Variants in ACSM3 observed in about 807,000 individuals in gnomAD.
ACSM3 encodes acyl-CoA synthetase medium chain family member 3.
Under a neutral mutation model 74.1 loss-of-function variants are expected in ACSM3, and 61 were observed. The observed-to-expected ratio is 0.82, with a 90% CI of 0.67 to 1.02. The LOEUF (loss-of-function observed/expected upper bound fraction) is 1.02. Ranked by LOEUF, ACSM3 falls within the 50% of genes least tolerant of loss-of-function variation. The pLI, the probability that ACSM3 is intolerant of heterozygous loss-of-function variation, is 0.00. For synonymous variants in ACSM3, 213 were observed against 241.5 expected, an observed-to-expected ratio of 0.88 and a Z score of 1.09; for missense variants, 660 against 697.0, an observed-to-expected ratio of 0.95 and a Z score of 0.60.
chr16:20,690,936 G>A (rs1010099582), intron 1 of ACSM3: 118 of 1,527,456 alleles, frequency 7.7e-5, no homozygotes, highest in Non-Finnish European at 1.0e-4. Flanking sequence ...CCTAGTAGGA[G>A]CAAGATAAGG....
intron 1 of ACSM3, among the ~76,000 whole-genome samples, chr16:20,689,057 A>C (rs1344392468): frequency 6.7e-6 from 1 of 150,090 alleles, no homozygotes; most frequent in Non-Finnish European, 1.5e-5. Context: ...AATGTTAATT[A>C]AGCAATATAC....
At chr16:20,684,329 A>G (rs1279443182) in intron 1 of ACSM3, among the ~76,000 whole-genome samples, 4 of 152,250 alleles carry the variant, frequency 2.6e-5, no homozygotes, top group Non-Finnish European at 4.4e-5. Context: ...TAAGGATCAC[A>G]CAATGAATTA....
intron 1 of ACSM3, chr16:20,738,871 A>T (rs1184597815): frequency 9.9e-6 from 16 of 1,610,586 alleles, no homozygotes; most frequent in Non-Finnish European, 1.4e-5. Context: ...TATGAGATCG[A>T]TAATCTTAGC....
intron 1 of ACSM3, among the ~76,000 whole-genome samples, chr16:20,723,319 T>C (rs546620106): frequency 1.1e-4 from 16 of 152,292 alleles, no homozygotes; most frequent in Non-Finnish European, 1.9e-4. Context: ...GTCTTTGCTA[T>C]TGTGAATAGT....
intron 12 of ACSM3, among the ~76,000 whole-genome samples, chr16:20,794,152 A>G (rs531693791): frequency 1.3e-5 from 2 of 152,304 alleles, no homozygotes; most frequent in African/African-American, 2.4e-5. Flanking sequence ...TGCCAGGCCT[A>G]TTCTACCTGG....
chr16:20,776,428 A>G (rs914346561), intron 3 of ACSM3, among the ~76,000 whole-genome samples: 5 of 152,138 alleles, frequency 3.3e-5, no homozygotes, highest in African/African-American at 1.2e-4. Flanking sequence ...GTGTTCCCCA[A>G]TCTTCTTGCC....
At position 20,770,268 on chromosome 16, in the gene ACSM3, C is replaced by G. The variant is rs1241215190; in HGVS notation, c.219+15C>G. ...ATAAGGAAAAGGTATGGGGGGAGGG[C>G]CAGTCAGACCACAATTTCTCAACTG... On this transcript the variant is annotated intron_variant, in intron 2 of 13. Coordinates refer to ENST00000289416, the MANE Select transcript of ACSM3 (RefSeq NM_005622.4). 6.3e-7 allele frequency: 1 copy of G among 1,594,754 alleles called. No individual in the cohort carries two copies. The highest frequency in any genetic ancestry group is 2.2e-5 in the East Asian group (1 of 44,782).
chr16:20,706,428 G>A (rs1365364474), intron 1 of ACSM3, among the ~76,000 whole-genome samples: 1 of 152,156 alleles, frequency 6.6e-6, no homozygotes, highest in Non-Finnish European at 1.5e-5. Flanking sequence ...GGCAGAGTAG[G>A]TAGTCCCCCA....
intron 1 of ACSM3, chr16:20,734,383 A>G (rs1449002900): frequency 6.6e-6 from 1 of 152,636 alleles, no homozygotes; most frequent in Non-Finnish European, 1.5e-5. Flanking sequence ...AGGTAACTTC[A>G]ATGTCATTAA....
intron 2 of ACSM3, among the ~76,000 whole-genome samples, chr16:20,773,376 A>C (rs1000126032): frequency 3.3e-5 from 5 of 151,074 alleles, no homozygotes; most frequent in African/African-American, 1.2e-4. Flanking sequence ...GATCTTTATT[A>C]TTTCTTTCTT....
intron 13 of ACSM3, 103 bp downstream of exon 13, chr16:20,796,592 C>G: frequency 6.4e-7 from 1 of 1,565,306 alleles, no homozygotes; most frequent in Non-Finnish European, 8.6e-7. Flanking sequence ...TGCTGCACCA[C>G]ATGTCCCAAA....
Position 20,790,365 on chromosome 16 carries a change from G to GTT in ACSM3, c.1225-220_1225-219dup, listed in dbSNP as rs1567362246. Among the ~76,000 whole-genome samples, 2 of 152,310 alleles carry GTT rather than the reference G, an allele frequency of 1.3e-5. No individual in the cohort carries two copies. The highest frequency in any genetic ancestry group is 2.1e-4 in the South Asian group (1 of 4,826). ...CTTGGGAAGCTGAGGTGTGAGGACT[G>GTT]TTTGAGACCAGAAGTTTGACGCTGC... On this transcript the variant is annotated intron_variant, in intron 9 of 13. Transcript: ENST00000289416. This position sits in a 1 kb window ranked among gnomAD's most constrained non-coding sequence, Gnocchi z 4.0.
chr16:20,724,511 C>T lies in ACSM3; in HGVS notation c.-189-25399C>T, dbSNP rs1022710448. On this transcript the variant is annotated intron_variant, in intron 1 of 3. Coordinates refer to the ACSM3 transcript ENST00000561584. ...CTCTTACCACTCCTATTCAACATAG[C>T]GTTGGAAGTTCTGGCCAGGGCAATC... Among the ~76,000 whole-genome samples the T allele has an allele frequency of 1.9e-3, 283 of 152,202 alleles. 1 individual carries two copies. Among genetic ancestry groups the T allele is most frequent in the Admixed American group, 3.4e-3 (52 of 15,294 alleles).
At chr16:20,710,553 C>G (rs537559215) in intron 1 of ACSM3, among the ~76,000 whole-genome samples, 1 of 152,082 alleles carries the variant, frequency 6.6e-6, no homozygotes, top group African/African-American at 2.4e-5. Context: ...CTGTGTTACC[C>G]AGGCTGGTCT....
chr16:20,691,250 G>A (rs868308890), intron 1 of ACSM3: 1 of 1,379,478 alleles, frequency 7.2e-7, no homozygotes, highest in Non-Finnish European at 9.7e-7. Context: ...CTTGGGAAGA[G>A]ATGGCTAATA....
At chr16:20,687,938 A>G (rs1251223070) in intron 1 of ACSM3, among the ~76,000 whole-genome samples, 1 of 152,056 alleles carries the variant, frequency 6.6e-6, no homozygotes, top group Non-Finnish European at 1.5e-5. Flanking sequence ...ACAAAAGATA[A>G]GCCAGGCATA....
chr16:20,794,639 T>C (rs2080680954), intron 12 of ACSM3, among the ~76,000 whole-genome samples: 1 of 152,174 alleles, frequency 6.6e-6, no homozygotes, highest in Admixed American at 6.5e-5. Context: ...GGTTAAAAAA[T>C]AAGACCCAAA....
intron 1 of ACSM3, among the ~76,000 whole-genome samples, chr16:20,685,687 G>A (rs1211055148): frequency 3.3e-5 from 5 of 151,868 alleles, no homozygotes; most frequent in Non-Finnish European, 5.9e-5. Context: ...GGGCATGGTG[G>A]TGCATGCCTG....
At chr16:20,749,515 G>A (rs2079973413) in intron 1 of ACSM3, 1 of 152,214 alleles carries the variant, frequency 6.6e-6, no homozygotes, top group South Asian at 2.1e-4. Flanking sequence ...CTGTGAAGGT[G>A]AGAGGTGGTT....
Sources: allele counts gnomAD v4.1 joint callset (sites outside exome capture counted in the v4.1 genomes callset), GRCh38; gene constraint gnomAD v4.1.1; non-coding constraint Gnocchi (gnomAD v3.1); transcripts MANE v1.5; gene names NCBI Gene and HGNC (gene_info 2026-07-23, HGNC 2026-07-21).